MYH10: variants seen among roughly 807,000 people sequenced by gnomAD.
MYH10 encodes the protein myosin heavy chain 10.
A neutral mutation model predicts 257.8 loss-of-function variants in MYH10; 55 were observed. That is an observed-to-expected ratio of 0.21 (90% CI 0.17 to 0.27). MYH10 has a LOEUF of 0.27. Among genes scored for constraint, MYH10 ranks in the 10% least tolerant of loss-of-function variants. The pLI is 1.00. For missense variants in MYH10, 1,631 were observed against 2,500.6 expected (o/e 0.65, Z 7.42); for synonymous variants, 854 against 921.7 (o/e 0.93, Z 1.33).
At chr17:8,553,422 C>T (rs1254544350) in intron 8 of MYH10, among the ~76,000 whole-genome samples, 1 of 152,190 alleles carries the variant, frequency 6.6e-6, no homozygotes, top group Non-Finnish European at 1.5e-5. Context: ...TACATCTATA[C>T]TCAAATGTGT....
intron 7 of MYH10, among the ~76,000 whole-genome samples, chr17:8,558,060 T>C (rs2082866370): frequency 6.6e-6 from 1 of 152,216 alleles, no homozygotes; most frequent in South Asian, 2.1e-4. Flanking sequence ...TATAGAGACC[T>C]TGTTAATTAA....
chr17:8,586,761 C>T (rs568309086), intron 4 of MYH10, among the ~76,000 whole-genome samples: 1 of 152,266 alleles, frequency 6.6e-6, no homozygotes, highest in Admixed American at 6.5e-5. Context: ...AACTTTTGTT[C>T]TGTCAAACAG....
At chr17:8,505,697 C>T (rs764768557) in intron 27 of MYH10, among the ~76,000 whole-genome samples, 1 of 152,178 alleles carries the variant, frequency 6.6e-6, no homozygotes, top group Non-Finnish European at 1.5e-5. Context: ...AAACATACTA[C>T]AGGCTGGGTG....
chr17:8,528,214 G>A (rs1036946538), intron 17 of MYH10, among the ~76,000 whole-genome samples: 6 of 152,120 alleles, frequency 3.9e-5, no homozygotes, highest in Non-Finnish European at 7.3e-5. Flanking sequence ...TAGTGAAAAC[G>A]ATACATAATT....
rs750835582 is a variant in MYH10 at position 8,548,326 on chromosome 17, C to T, written c.1146G>A (p.Met382Ile). The T allele has an allele frequency of 4.9e-5, 79 of 1,609,668 alleles. 1 individual carries two copies. The highest frequency in any genetic ancestry group is 1.2e-4 in the South Asian group (11 of 90,676). ...KKERNTDQAS[M>I]PENTVAQKLC... ...TCATCAGTTTACCTGTATTTTCTGG[C>T]ATGGAAGCTTGATCAGTATTTCTCT... The change falls in exon 11 of 43, where the codon ATG becomes ATA. Residue 382 changes from methionine to isoleucine, a missense_variant. Physicochemically the swap from Met to Ile is conservative, Grantham distance 10. Around this residue, in one of 11 missense-constraint regions of MYH10, gnomAD observed 360 missense variants for 581.9 expected, o/e 0.62. Transcript: ENST00000360416.
intron 2 of MYH10, among the ~76,000 whole-genome samples, chr17:8,610,668 A>C (rs1249838118): frequency 6.6e-6 from 1 of 152,096 alleles, no homozygotes; most frequent in Non-Finnish European, 1.5e-5. Flanking sequence ...TATAAATTCT[A>C]TCTCTTGCTC....
At chr17:8,554,881 A>T (rs1335530684) in intron 7 of MYH10, among the ~76,000 whole-genome samples, 1 of 152,238 alleles carries the variant, frequency 6.6e-6, no homozygotes, top group African/African-American at 2.4e-5. Context: ...TGAACCCAGG[A>T]GGCGGAGGTT....
chr17:8,597,004 C>T (rs1014357301), intron 3 of MYH10, among the ~76,000 whole-genome samples: 2 of 152,022 alleles, frequency 1.3e-5, no homozygotes, highest in African/African-American at 4.8e-5. Context: ...TTGGGAGGTG[C>T]GTCGTCAAGG....
intron 2 of MYH10, among the ~76,000 whole-genome samples, chr17:8,605,446 T>C (rs894378988): frequency 2.6e-5 from 4 of 152,180 alleles, no homozygotes; most frequent in Admixed American, 2.6e-4. Context: ...CTAAAAAGGG[T>C]ATTAAAATAC....
intron 35 of MYH10, among the ~76,000 whole-genome samples, chr17:8,488,013 TG>T (rs1046028009): frequency 4.6e-5 from 7 of 152,052 alleles, no homozygotes; most frequent in African/African-American, 1.7e-4. Context: ...TGTGAGGACA[TG>T]GGGCATGGCC....
chr17:8,607,749 A>G (rs1416332949), intron 2 of MYH10, among the ~76,000 whole-genome samples: 2 of 152,240 alleles, frequency 1.3e-5, no homozygotes, highest in African/African-American at 4.8e-5. Context: ...AAGCTTCTTT[A>G]AGAAACATAC....
At chr17:8,629,752 C>G (rs2152118191) in intron 1 of MYH10, among the ~76,000 whole-genome samples, 1 of 152,218 alleles carries the variant, frequency 6.6e-6, no homozygotes, top group South Asian at 2.1e-4. Context: ...ACCCTCCCCC[C>G]GGCCGTCCTG....
chr17:8,613,851 T>C (rs2085139171), intron 2 of MYH10, among the ~76,000 whole-genome samples: 1 of 151,768 alleles, frequency 6.6e-6, no homozygotes, highest in Admixed American at 6.6e-5. Context: ...ACAGAAAAGC[T>C]GAAAGTAAGT....
In MYH10 at chr17:8,477,091, T is replaced by C; in HGVS notation, c.5707-43A>G. ...AACCAAAACAAACCAAACTGGTGAA[T>C]CCAGTGTCGGCCTCTCTGTACCCCG... On this transcript the variant is annotated intron_variant, in intron 41 of 42. Transcript: ENST00000360416. This position sits in a 1 kb window ranked among gnomAD's most constrained non-coding sequence, Gnocchi z 4.2. 6.2e-7 allele frequency: 1 copy of C among 1,607,058 alleles called. No individual in the cohort carries two copies. The highest frequency in any genetic ancestry group is 8.5e-7 in the Non-Finnish European group (1 of 1,175,786).
At chr17:8,616,350 T>C (rs1011761539) in intron 2 of MYH10, among the ~76,000 whole-genome samples, 18 of 152,064 alleles carry the variant, frequency 1.2e-4, no homozygotes, top group East Asian at 1.9e-4. Flanking sequence ...TGTGTGCTCA[T>C]AGAAAATCCA....
chr17:8,522,766 T>C (rs1771028826), intron 17 of MYH10, among the ~76,000 whole-genome samples: 1 of 152,250 alleles, frequency 6.6e-6, no homozygotes, highest in African/African-American at 2.4e-5. Context: ...AACTGGCTTA[T>C]GGCCCGTCCT....
chr17:8,586,895 G>T (rs572936680), intron 4 of MYH10, among the ~76,000 whole-genome samples: 1 of 152,226 alleles, frequency 6.6e-6, no homozygotes. Flanking sequence ...ACACATCCAC[G>T]GTGGATCAGC....
In MYH10 at chr17:8,487,537, C is replaced by A. The variant is rs1228358584; in HGVS notation, c.4942G>T (p.Ala1648Ser). 1 of 1,614,222 alleles carries A rather than the reference C, an allele frequency of 6.2e-7. No homozygotes were observed. Among genetic ancestry groups the A allele is most frequent in the East Asian group, 2.2e-5 (1 of 44,888 alleles). Reference sequence around the variant, plus strand: ...TCTATCTCCATCTTTTTCTTTGAAGCTACAGCAAGCGCCCGCTGTTTCCTC... The same window carrying A: ...TCTATCTCCATCTTTTTCTTTGAAGATACAGCAAGCGCCCGCTGTTTCCTC... ...DERKQRALAVASKKKMEIDLK... is the reference protein window; with the variant it reads ...DERKQRALAVSSKKKMEIDLK... Residue 1648 changes from alanine (A) to serine (S), a missense_variant, in exon 36 of 43, where the codon GCT (alanine) becomes TCT (serine). By Grantham distance (99) the Ala-to-Ser change is moderately conservative (BLOSUM62 1). Coordinates refer to ENST00000360416, the MANE Select transcript of MYH10 (RefSeq NM_001256012.3).
chr17:8,510,361 G>A (rs2081223699), intron 24 of MYH10, among the ~76,000 whole-genome samples: 1 of 152,136 alleles, frequency 6.6e-6, no homozygotes, highest in Non-Finnish European at 1.5e-5. Flanking sequence ...ATGCAGTTAT[G>A]TGAAATAGAC....
Sources: allele counts gnomAD v4.1 joint callset (sites outside exome capture counted in the v4.1 genomes callset), GRCh38; gene constraint gnomAD v4.1.1; regional missense constraint gnomAD v4.1.1; non-coding constraint Gnocchi (gnomAD v3.1); transcripts MANE v1.5; gene names NCBI Gene and HGNC (gene_info 2026-07-23, HGNC 2026-07-21).